The following ZNF836 variants were observed in gnomAD, a reference collection of about 807,000 sequenced individuals.
ZNF836 encodes the protein zinc finger protein 836.
ZNF836 carries 12 observed loss-of-function variants against 7.4 expected under a neutral mutation model. The ratio of observed to expected loss-of-function variants is 1.61; its 90% CI spans 1.03 to 2.61. The LOEUF (loss-of-function observed/expected upper bound fraction) is 2.61. Among genes scored for constraint, ZNF836 ranks in the 30% most tolerant of loss-of-function variants. The probability of loss-of-function intolerance (pLI) is 0.00; values close to 1 mark genes in which losing one functional copy is unlikely to be tolerated. For missense variants in ZNF836, 998 were observed against 1,126.2 expected, an observed-to-expected ratio of 0.89 and a Z score of 1.63; for synonymous variants, 365 against 382.6, an observed-to-expected ratio of 0.95 and a Z score of 0.54.
In ZNF836 at chr19:52,157,046, T is replaced by G; in HGVS notation, c.637A>C (p.Ile213Leu). Residue 213 changes from isoleucine to leucine, a missense_variant, in exon 5 of 5, where the codon ATT becomes CTT. Physicochemically the swap from Ile to Leu is conservative, Grantham distance 5. Transcript: ENST00000682614. ...TTACACATATAAGGTTTTTCCCTAA[T>G]GTGTGTTTTCTCAAGTTGGGTGGGT... Reference protein sequence around the residue: ...SLPTQLEKTHIREKPYMCKGC... With the variant: ...SLPTQLEKTHLREKPYMCKGC... The G allele has an allele frequency of 1.2e-6, 2 of 1,614,024 alleles. No homozygotes were observed. Among genetic ancestry groups the G allele is most frequent in the South Asian group, 2.2e-5 (2 of 91,088 alleles).
rs1431810784 is a variant in ZNF836, at chr19:52,168,111, CT to C, written c.-40del. The C allele has an allele frequency of 3.1e-6, 5 of 1,607,442 alleles. No individual in the cohort carries two copies. In the Admixed American group the frequency reaches 8.6e-5, roughly 28 times the overall value. On this transcript the variant is annotated 5_prime_UTR_variant, in exon 3 of 5. Coordinates refer to ENST00000682614, the MANE Select transcript of ZNF836 (RefSeq NM_001102657.3). ...TCTTTCCTCTTCTTCCTCTTCTGGG[CT>C]TCTCTCTCAGTCAATATAATTAATT...
Position 52,160,536 on chromosome 19 carries a change from GA to G in ZNF836, c.70del (p.Ser24ProfsTer13). 6.2e-7 allele frequency: 1 copy of G among 1,613,916 alleles called. No homozygotes were observed. Among genetic ancestry groups the G allele is most frequent in the Middle Eastern group, 1.6e-4 (1 of 6,062 alleles). ...AIEFSQEEWKSLDPVQKALYW... is the reference protein window; with the variant it reads ...AIEFSQEEWKXLDPVQKALYW... ...CAAAGCTTTCTGCACAGGGTCCAGG[GA>G]TTTCCACTCCTCCTGAGAGAATTCT... On this transcript the variant is annotated frameshift_variant, in exon 4 of 5. Transcript: ENST00000682614. LOFTEE classifies it high-confidence loss of function.
chr19:52,158,862 G>A (rs2089189523), intron 4 of ZNF836, among the ~76,000 whole-genome samples: 1 of 152,116 alleles, frequency 6.6e-6, no homozygotes, highest in South Asian at 2.1e-4. Context: ...CGTATGTTGG[G>A]GTCCTAATCC....
chr19:52,169,245 T>C (rs1197058520), intron 2 of ZNF836, among the ~76,000 whole-genome samples: 1 of 152,190 alleles, frequency 6.6e-6, no homozygotes. Context: ...CTAACACTTA[T>C]CTCAAGCTTC....
intron 1 of ZNF836, 29 bp downstream of exon 1, chr19:52,171,307 A>T (rs1041958282): frequency 1.3e-5 from 2 of 152,364 alleles, no homozygotes; most frequent in Admixed American, 1.3e-4. Context: ...AGATTTTTAA[A>T]CCGAAAGGGA....
At position 52,154,998 on chromosome 19, in the gene ZNF836, A is replaced by G. The variant is rs762509083; in HGVS notation, c.2685T>C (p.Cys895=). 1 of 1,613,104 alleles carries G rather than the reference A, an allele frequency of 6.2e-7. No homozygotes were observed. Among genetic ancestry groups the G allele is most frequent in the East Asian group, 2.2e-5 (1 of 44,880 alleles). Residue 895 remains cysteine (C), a synonymous_variant, in exon 5 of 5, where the codon TGT becomes TGC. Coordinates refer to ENST00000682614, the MANE Select transcript of ZNF836 (RefSeq NM_001102657.3). ...SGEKPYKCNE[C]GKSFISRSGL... ...CTGAGCGACTAATGAAAGATTTGCCACACTCATTACATTTATAAGGTTTTT... is the reference window on the plus strand; with the variant it reads ...CTGAGCGACTAATGAAAGATTTGCCGCACTCATTACATTTATAAGGTTTTT...
At chr19:52,157,664 G>A (rs1325913560) in intron 4 of ZNF836, 124 bp from the exon 5 acceptor site, 12 of 889,636 alleles carry the variant, frequency 1.3e-5, no homozygotes, top group Non-Finnish European at 1.9e-5. Context: ...TCCACCTCCT[G>A]GGTTCGAGCT....
chr19:52,169,157 G>T (rs553986308), intron 2 of ZNF836, among the ~76,000 whole-genome samples: 1 of 152,134 alleles, frequency 6.6e-6, no homozygotes, highest in Non-Finnish European at 1.5e-5. Flanking sequence ...AATGAATGAC[G>T]TCAGCTGATT....
At chr19:52,157,662 C>G (rs2089178642) in intron 4 of ZNF836, 122 bp from the exon 5 acceptor site, 1 of 934,292 alleles carries the variant, frequency 1.1e-6, no homozygotes, top group East Asian at 3.0e-5. Context: ...CCTCCACCTC[C>G]TGGGTTCGAG....
chr19:52,156,183 A>C lies in ZNF836; in HGVS notation c.1500T>G (p.Cys500Trp). The change falls in exon 5 of 5, where the codon TGT becomes TGG. Residue 500 changes from cysteine to tryptophan, a missense_variant. By Grantham distance (215) the Cys-to-Trp change is radical. Coordinates refer to ENST00000682614, the MANE Select transcript of ZNF836 (RefSeq NM_001102657.3). ...GTTTAAAGGCTTTACCACATTTATC[A>C]CATTTGTAAGGTTTCTCTCCAGTAT... is the stretch of plus-strand genomic sequence containing the variant. ...RIHTGEKPYK[C>W]DKCGKAFKQG... 1 of 1,614,192 alleles carries C rather than the reference A, an allele frequency of 6.2e-7. No homozygotes were observed. The highest frequency in any genetic ancestry group is 8.5e-7 in the Non-Finnish European group (1 of 1,180,048).
At chr19:52,170,952 G>A (rs2089302788) in intron 1 of ZNF836, among the ~76,000 whole-genome samples, 2 of 152,236 alleles carry the variant, frequency 1.3e-5, no homozygotes, top group South Asian at 4.1e-4. Context: ...GAGAAAAGCA[G>A]TGGCTGTGAA....
intron 3 of ZNF836, among the ~76,000 whole-genome samples, chr19:52,167,171 T>C (rs1280299954): frequency 6.6e-6 from 1 of 151,830 alleles, no homozygotes; most frequent in Non-Finnish European, 1.5e-5. Context: ...GTTGATTTTA[T>C]ATTTTAAAAT....
intron 3 of ZNF836, among the ~76,000 whole-genome samples, chr19:52,162,899 A>C (rs2089225718): frequency 6.6e-6 from 1 of 152,166 alleles, no homozygotes; most frequent in African/African-American, 2.4e-5. Context: ...CTCCAGTGGA[A>C]TGCTAAGTTG....
At position 52,154,675 on chromosome 19, in the gene ZNF836, C is replaced by T. The variant is rs958230637; in HGVS notation, c.*197G>A. ...CTCCGTCTCAAAAAAGCAAAACAAA[C>T]AAAAAAACAAGATCTCACCAGAACT... On this transcript the variant is annotated 3_prime_UTR_variant, in exon 5 of 5. Coordinates refer to ENST00000682614, the MANE Select transcript of ZNF836 (RefSeq NM_001102657.3). The T allele has an allele frequency of 2.2e-6, 1 of 460,162 alleles. No homozygotes were observed. The highest frequency in any genetic ancestry group is 3.7e-6 in the Non-Finnish European group (1 of 270,794). 28.5% of individuals were successfully genotyped at this position (460,162 alleles called of 1,614,324 possible).
At chr19:52,158,779 C>T (rs1488434064) in intron 4 of ZNF836, among the ~76,000 whole-genome samples, 1 of 151,968 alleles carries the variant, frequency 6.6e-6, no homozygotes, top group Non-Finnish European at 1.5e-5. Context: ...CTATCTATTT[C>T]CATAAAAAAT....
In ZNF836 at chr19:52,157,025, A is replaced by G. The variant is rs1294355873; in HGVS notation, c.658T>C (p.Cys220Arg). 1.2e-6 allele frequency: 2 copies of G among 1,614,028 alleles called. No individual in the cohort carries two copies. The highest frequency in any genetic ancestry group is 1.7e-6 in the Non-Finnish European group (2 of 1,180,018). The change falls in exon 5 of 5, where the codon TGT (cysteine) becomes CGT (arginine). Residue 220 changes from cysteine (C) to arginine (R), a missense_variant. Transcript: ENST00000682614. ...KTHIREKPYMCKGCGKAFRVS... is the reference protein window; with the variant it reads ...KTHIREKPYMRKGCGKAFRVS... Reference sequence around the variant, plus strand: ...CTAAAGGCTTTGCCACACCCTTTACACATATAAGGTTTTTCCCTAATGTGT... The same window carrying G: ...CTAAAGGCTTTGCCACACCCTTTACGCATATAAGGTTTTTCCCTAATGTGT...
chr19:52,155,372 T>G lies in ZNF836; in HGVS notation c.2311A>C (p.Ile771Leu). 2 of 1,614,208 alleles carry G rather than the reference T, an allele frequency of 1.2e-6. No individual in the cohort carries two copies. The highest frequency in any genetic ancestry group is 2.2e-5 in the South Asian group (2 of 91,092). The part of the protein sequence containing the change: ...STSNLARHRR[I>L]HTGEKPYKCN... ...TTGTAAGGTTTCTCTCCAGTGTGAA[T>G]TCTCCGATGCCTTGCAAGGTTCGAA... The change falls in exon 5 of 5, where the codon ATT becomes CTT. Residue 771 changes from isoleucine to leucine, a missense_variant. Coordinates refer to ENST00000682614, the MANE Select transcript of ZNF836 (RefSeq NM_001102657.3).
Position 52,156,619 on chromosome 19 carries a change from T to A in ZNF836, c.1064A>T (p.Glu355Val). The change falls in exon 5 of 5, where the codon GAG becomes GTG. Residue 355 changes from glutamate (E) to valine (V), a missense_variant. Glu to Val is a moderately radical substitution (Grantham distance 121). Transcript: ENST00000682614. ...LTTHQIIHTG[E>V]KPYQCDICGK... is the part of the protein sequence containing the mutation. ...ACATATATCACATTGATATGGTTTCTCTCCTGTATGGATTATCTGATGTGT... is the reference window on the plus strand; with the variant it reads ...ACATATATCACATTGATATGGTTTCACTCCTGTATGGATTATCTGATGTGT... 1.9e-6 allele frequency: 3 copies of A among 1,614,118 alleles called. No homozygotes were observed. Among genetic ancestry groups the A allele is most frequent in the Non-Finnish European group, 2.5e-6 (3 of 1,179,968 alleles).
At chr19:52,166,244 C>A (rs945999405) in intron 3 of ZNF836, among the ~76,000 whole-genome samples, 1 of 152,132 alleles carries the variant, frequency 6.6e-6, no homozygotes, top group Non-Finnish European at 1.5e-5. Flanking sequence ...CCTGCCTCAG[C>A]CTTCAAAAGT....
Sources: allele counts gnomAD v4.1 joint callset (sites outside exome capture counted in the v4.1 genomes callset), GRCh38; gene constraint gnomAD v4.1.1; transcripts MANE v1.5; gene names NCBI Gene and HGNC (gene_info 2026-07-23, HGNC 2026-07-21).